The following WDR33 variants were observed in gnomAD, a reference collection of about 807,000 sequenced individuals.
The protein encoded by WDR33 is pre-mRNA 3' end processing protein WDR33.
In WDR33, 47 loss-of-function variants were observed where a neutral mutation model predicts 164.9. That is an observed-to-expected ratio of 0.29 (90% CI 0.23 to 0.36). The LOEUF is 0.36. Ranked by LOEUF, WDR33 falls within the 10% of genes least tolerant of loss-of-function variation. The pLI, the probability that WDR33 is intolerant of heterozygous loss-of-function variation, is 1.00. For synonymous variants in WDR33, 505 were observed against 589.0 expected (o/e 0.86, Z 2.06); for missense variants, 1,137 against 1,754.1 (o/e 0.65, Z 6.28).
Position 127,724,996 on chromosome 2 carries a change from A to G in WDR33, c.1007-31T>C. 6.2e-7 allele frequency: 1 copy of G among 1,614,194 alleles called. No individual in the cohort carries two copies. The highest frequency in any genetic ancestry group is 8.5e-7 in the Non-Finnish European group (1 of 1,180,022). The stretch of plus-strand genomic sequence containing the variant: ...GAACAAAAACATGGGAAAAGACACA[A>G]TTATCAGGATCTGAGAATGTTACAG... On this transcript the variant is annotated intron_variant, in intron 9 of 21. Coordinates refer to ENST00000322313, the MANE Select transcript of WDR33 (RefSeq NM_018383.5). This position sits in a 1 kb window ranked among gnomAD's most constrained non-coding sequence, Gnocchi z 4.8.
chr2:127,711,051 T>C (rs531840715), intron 18 of WDR33, among the ~76,000 whole-genome samples: 18 of 152,312 alleles, frequency 1.2e-4, no homozygotes, highest in African/African-American at 4.3e-4. Context: ...AACTTTCTCC[T>C]ATATAATCAC....
intron 1 of WDR33, among the ~76,000 whole-genome samples, chr2:127,771,298 G>C (rs759521050): frequency 6.6e-5 from 10 of 152,140 alleles, no homozygotes; most frequent in Non-Finnish European, 5.9e-5. Flanking sequence ...AATGCTCTTA[G>C]GTTACAAACC....
chr2:127,701,953 C>T lies in WDR33; in HGVS notation c.*4370G>A. ...CGCCTGCTGCGCTGCGAAGAAGCGCCGTCCCGGCCCGCGCTGCTCTACATG... is the reference window on the plus strand; with the variant it reads ...CGCCTGCTGCGCTGCGAAGAAGCGCTGTCCCGGCCCGCGCTGCTCTACATG... On this transcript the variant is annotated 3_prime_UTR_variant, in exon 22 of 22. Transcript: ENST00000322313. The T allele has an allele frequency of 1.4e-6, 2 of 1,401,140 alleles. No homozygotes were observed. The highest frequency in any genetic ancestry group is 1.5e-5 in the South Asian group (1 of 67,900). 86.8% of individuals were successfully genotyped at this position (1,401,140 alleles called of 1,614,324 possible).
chr2:127,783,599 C>CTTTTTTTTTTTTTTTT (rs35345585), intron 1 of WDR33, among the ~76,000 whole-genome samples: 2 of 84,414 alleles, frequency 2.4e-5, no homozygotes, highest in African/African-American at 9.9e-5. Flanking sequence ...TTCAGGACTC[C>CTTTTTTTTTTTTTTTT]TTTTTTTTTT....
At chr2:127,788,357 C>T (rs1325772502) in intron 1 of WDR33, among the ~76,000 whole-genome samples, 2 of 114,788 alleles carry the variant, frequency 1.7e-5, no homozygotes, top group South Asian at 3.1e-4. Context: ...TCCTCACTTC[C>T]CAGTAGGGGC....
rs61733468 is a variant in WDR33, at chr2:127,719,433, C to T, written c.2592G>A (p.Pro864=). Residue 864 remains proline, a synonymous_variant, in exon 16 of 22, where the codon CCG becomes CCA. Coordinates refer to ENST00000322313, the MANE Select transcript of WDR33 (RefSeq NM_018383.5). This position sits in a 1 kb window ranked among gnomAD's most constrained non-coding sequence, Gnocchi z 6.5. Reference sequence around the variant, plus strand: ...GTGGAGGTCCTAAAGAGCCCTGGGGCGGCCCCTGCTGACTTTGTGAGCCTG... The same window carrying T: ...GTGGAGGTCCTAAAGAGCCCTGGGGTGGCCCCTGCTGACTTTGTGAGCCTG... ...GPPGSQSQQG[P]PQGSLGPPPQ... The T allele has an allele frequency of 6.9e-4, 1,077 of 1,562,136 alleles. 4 individuals carry two copies. The African/African-American group carries it at 0.013, about 18-fold the overall frequency.
chr2:127,779,604 A>G (rs1175058447), intron 1 of WDR33, among the ~76,000 whole-genome samples: 1 of 152,222 alleles, frequency 6.6e-6, no homozygotes, highest in Non-Finnish European at 1.5e-5. Flanking sequence ...TCTTCCTAGG[A>G]ATCTGTCAAT....
intron 7 of WDR33, among the ~76,000 whole-genome samples, chr2:127,759,176 G>T (rs77915546): frequency 0.014 from 2,177 of 152,282 alleles, 65 homozygotes; most frequent in African/African-American, 0.051. Flanking sequence ...CACATCCTTT[G>T]TAATGGTGGA....
chr2:127,773,716 C>T (rs1391611155), intron 1 of WDR33, among the ~76,000 whole-genome samples: 2 of 152,172 alleles, frequency 1.3e-5, no homozygotes, highest in African/African-American at 4.8e-5. Flanking sequence ...CAATTACCAG[C>T]TTCAATTCAG....
chr2:127,706,458 T>C lies in WDR33; in HGVS notation c.3876A>G (p.Glu1292=). ...CACTGCCTGGAGGGCCCCCAAAAGGTTCATCTCTGTGGTATCCATCGTGGT... is the reference window on the plus strand; with the variant it reads ...CACTGCCTGGAGGGCCCCCAAAAGGCTCATCTCTGTGGTATCCATCGTGGT... ...GEHHDGYHRD[E]PFGGPPGSGT... is the part of the protein sequence containing the mutation. Residue 1292 remains glutamate, a synonymous_variant, in exon 22 of 22, where the codon GAA becomes GAG. Transcript: ENST00000322313. The surrounding 1 kb of genome is among the most constrained non-coding windows in gnomAD (Gnocchi z 5.1). 6.2e-7 allele frequency: 1 copy of C among 1,613,264 alleles called. No individual in the cohort carries two copies. The highest frequency in any genetic ancestry group is 8.5e-7 in the Non-Finnish European group (1 of 1,179,672).
Position 127,737,890 on chromosome 2 carries a change from A to G in WDR33, c.725-11113T>C, listed in dbSNP as rs187773811. The G allele has an allele frequency of 2.3e-5, 35 of 1,499,484 alleles. No individual in the cohort carries two copies. In the Admixed American group the frequency reaches 8.0e-4, roughly 34 times the overall value. The allele number at this position is 1,499,484 out of a possible 1,614,324, so 92.9% of individuals were successfully genotyped here. A position where few individuals can be genotyped will look rare whatever the true frequency, so the allele number is the denominator to read the frequency against. ...GTCAAAGTAGAAGAGTAGTTAACCC[A>G]TAGCCATCCACAGCATCAACTGTAA... is the stretch of plus-strand genomic sequence containing the variant. On this transcript the variant is annotated intron_variant, in intron 7 of 21. Transcript: ENST00000322313.
Position 127,770,937 on chromosome 2 carries a change from T to C in WDR33, c.45A>G (p.Pro15=), listed in dbSNP as rs1248348669. ...GTCGAGGTGCCTGGTGCTGGAACCT[T>C]GGCATATGGAAAAAACGAGGAGGAG... ...IGSPPRFFHM[P]RFQHQAPRQL... is the part of the protein sequence containing the mutation. The change falls in exon 2 of 22, where the codon CCA becomes CCG. Residue 15 remains proline (P), a synonymous_variant. Transcript: ENST00000322313. This position sits in a 1 kb window ranked among gnomAD's most constrained non-coding sequence, Gnocchi z 4.9. The C allele has an allele frequency of 6.2e-7, 1 of 1,614,136 alleles. No homozygotes were observed. The highest frequency in any genetic ancestry group is 8.5e-7 in the Non-Finnish European group (1 of 1,180,018).
At position 127,704,695 on chromosome 2, in the gene WDR33, AT is replaced by A. The variant is rs1268313904; in HGVS notation, c.*1627del. ...ACATTTTCTCACTCCACAGAAATCA[AT>A]TAGCTTTTGCTGTTTTTTACATTCA... is the stretch of plus-strand genomic sequence containing the variant. On this transcript the variant is annotated 3_prime_UTR_variant, in exon 22 of 22. Coordinates refer to ENST00000322313, the MANE Select transcript of WDR33 (RefSeq NM_018383.5). 1 of 167,146 alleles carries A rather than the reference AT, an allele frequency of 6.0e-6. No homozygotes were observed. Among genetic ancestry groups the A allele is most frequent in the African/African-American group, 2.4e-5 (1 of 41,470 alleles). The allele number at this position is 167,146 out of a possible 1,614,324, so 10.4% of individuals were successfully genotyped here. A position where few individuals can be genotyped will look rare whatever the true frequency, so the allele number is the denominator to read the frequency against.
rs750777942 is a variant in WDR33, at chr2:127,708,677, C to T, written c.3781G>A (p.Gly1261Ser). Residue 1261 changes from glycine (G) to serine (S), a missense_variant and splice_region_variant, in exon 21 of 22, where the codon GGC (glycine) becomes AGC (serine). By Grantham distance (56) the Gly-to-Ser change is moderately conservative. This residue lies in a region of WDR33 where 867 missense variants were observed against 1,073.0 expected (regional missense o/e 0.81). Coordinates refer to ENST00000322313, the MANE Select transcript of WDR33 (RefSeq NM_018383.5). This position sits in a 1 kb window ranked among gnomAD's most constrained non-coding sequence, Gnocchi z 6.7. ...GGPSEDRGGK[G>S]RGGPGPAQRV... ...ACCATAACCACTGGCCTGCTCTTAC[C>T]TTTGCCTCCTCGGTCTTCAGAAGGG... 6.3e-7 allele frequency: 1 copy of T among 1,599,700 alleles called. No homozygotes were observed. The highest frequency in any genetic ancestry group is 1.1e-5 in the South Asian group (1 of 89,256).
At chr2:127,809,459 G>A (rs576311895) in intron 1 of WDR33, among the ~76,000 whole-genome samples, 80 of 127,826 alleles carry the variant, frequency 6.3e-4, no homozygotes, top group African/African-American at 1.7e-3. Flanking sequence ...TTTTTGAGAC[G>A]GAGTCTCGCT....
intron 7 of WDR33, among the ~76,000 whole-genome samples, chr2:127,758,990 T>A (rs1260492950): frequency 6.6e-6 from 1 of 152,222 alleles, no homozygotes; most frequent in Non-Finnish European, 1.5e-5. Context: ...TATAGGCTCA[T>A]TTAGTCTCGC....
At chr2:127,769,039 A>C (rs1395474324) in intron 2 of WDR33, 38 bp from the exon 3 acceptor site, 6 of 1,191,392 alleles carry the variant, frequency 5.0e-6, no homozygotes, top group African/African-American at 4.8e-5. Flanking sequence ...ATAAATAAAT[A>C]GATCAATTAA....
Position 127,705,299 on chromosome 2 carries a change from G to T in WDR33, c.*1024C>A, listed in dbSNP as rs1008679439. 6.0e-6 allele frequency: 1 copy of T among 165,362 alleles called. No individual in the cohort carries two copies. Among genetic ancestry groups the T allele is most frequent in the Non-Finnish European group, 1.5e-5 (1 of 68,104 alleles). The allele number at this position is 165,362 out of a possible 1,614,324, so 10.2% of individuals were successfully genotyped here. A position where few individuals can be genotyped will look rare whatever the true frequency, so the allele number is the denominator to read the frequency against. The stretch of plus-strand genomic sequence containing the variant: ...CTTCCAATCCAAACTGGGCTAAATG[G>T]TATGTTTATTTTAAACAAGGAATTT... On this transcript the variant is annotated 3_prime_UTR_variant, in exon 22 of 22. Transcript: ENST00000322313. The surrounding 1 kb of genome is among the most constrained non-coding windows in gnomAD (Gnocchi z 4.5).
In WDR33 at chr2:127,726,814, T is replaced by C. The variant is rs755589375; in HGVS notation, c.725-37A>G. ...AAGTTAGGATTAAAACCTAATTAGT[T>C]ACATGCATTTAAAGCAATTTAAACC... is the stretch of plus-strand genomic sequence containing the variant. On this transcript the variant is annotated intron_variant, in intron 7 of 21. Coordinates refer to ENST00000322313, the MANE Select transcript of WDR33 (RefSeq NM_018383.5). This position sits in a 1 kb window ranked among gnomAD's most constrained non-coding sequence, Gnocchi z 4.8. The C allele has an allele frequency of 6.2e-7, 1 of 1,610,774 alleles. No homozygotes were observed. The highest frequency in any genetic ancestry group is 8.5e-7 in the Non-Finnish European group (1 of 1,178,468).
Sources: allele counts gnomAD v4.1 joint callset (sites outside exome capture counted in the v4.1 genomes callset), GRCh38; gene constraint gnomAD v4.1.1; regional missense constraint gnomAD v4.1.1; non-coding constraint Gnocchi (gnomAD v3.1); transcripts MANE v1.5; gene names NCBI Gene and HGNC (gene_info 2026-07-23, HGNC 2026-07-21).